The following RIMBP2 variants were observed in gnomAD, a reference collection of about 807,000 sequenced individuals.
The protein encoded by RIMBP2 is RIMS binding protein 2.
A neutral mutation model predicts 118.6 loss-of-function variants in RIMBP2; 48 were observed. The observed-to-expected ratio is 0.40, with a 90% confidence interval of 0.32 to 0.51. The LOEUF (loss-of-function observed/expected upper bound fraction) is 0.51. RIMBP2 is among the 20% of genes least tolerant of loss of function. RIMBP2 has a pLI of 0.41. For synonymous variants in RIMBP2, 762 were observed against 742.9 expected (o/e 1.03, Z -0.42); for missense variants, 1,551 against 1,768.3 (o/e 0.88, Z 2.20).
At chr12:130,636,182 G>A (rs1244463594) in intron 1 of RIMBP2, among the ~76,000 whole-genome samples, 1 of 152,098 alleles carries the variant, frequency 6.6e-6, no homozygotes, top group Non-Finnish European at 1.5e-5. Flanking sequence ...TATACTCCTT[G>A]TCCCGACATG....
intron 2 of RIMBP2, among the ~76,000 whole-genome samples, chr12:130,585,364 A>AAATT (rs1320628207): frequency 6.6e-6 from 1 of 152,168 alleles, no homozygotes; most frequent in African/African-American, 2.4e-5. Context: ...CATTCGTCGA[A>AAATT]AATTCGGTAG....
At chr12:130,512,200 C>T (rs567556167) in intron 3 of RIMBP2, among the ~76,000 whole-genome samples, 1 of 152,174 alleles carries the variant, frequency 6.6e-6, no homozygotes, top group Non-Finnish European at 1.5e-5. Flanking sequence ...CTTTGCAGCC[C>T]AGCTCGTGCC....
intron 1 of RIMBP2, among the ~76,000 whole-genome samples, chr12:130,643,236 A>T (rs2062702075): frequency 6.6e-6 from 1 of 151,944 alleles, no homozygotes; most frequent in African/African-American, 2.4e-5. Flanking sequence ...GGGAGCTCAC[A>T]CTCGCCCTGG....
At chr12:130,503,263 G>T (rs1258418249) in intron 4 of RIMBP2, among the ~76,000 whole-genome samples, 1 of 151,844 alleles carries the variant, frequency 6.6e-6, no homozygotes, top group Non-Finnish European at 1.5e-5. Context: ...GGGTGTGGTG[G>T]TGTGTGTCTG....
At chr12:130,545,967 C>T (rs1315670670) in intron 2 of RIMBP2, among the ~76,000 whole-genome samples, 1 of 152,172 alleles carries the variant, frequency 6.6e-6, no homozygotes, top group Non-Finnish European at 1.5e-5. Context: ...GGGAAAAAAT[C>T]TTAACACAGC....
intron 1 of RIMBP2, among the ~76,000 whole-genome samples, chr12:130,713,227 A>AAGGAAGGAAGGAAGAT: frequency 7.6e-6 from 1 of 132,338 alleles, no homozygotes; most frequent in African/African-American, 3.1e-5. Flanking sequence ...GGAAGGAAGG[A>AAGGAAGGAAGGAAGAT]AGGAAGGAAG....
chr12:130,465,047 C>T (rs2080331915), intron 6 of RIMBP2: 2 of 152,252 alleles, frequency 1.3e-5, no homozygotes, highest in Admixed American at 1.3e-4. Flanking sequence ...AGACGCAAAA[C>T]ACAACTGTTA....
chr12:130,594,214 A>G (rs1490080924), intron 2 of RIMBP2, among the ~76,000 whole-genome samples: 2 of 152,224 alleles, frequency 1.3e-5, no homozygotes, highest in African/African-American at 2.4e-5. Context: ...TGATGTCAAG[A>G]CCCTGGCAAA....
rs572962068 is a variant in RIMBP2, at chr12:130,433,354, G to A, written c.2253+1380C>T. ...AGATATGTCTACTCACTGCATGTGC[G>A]TGTGACTCCTCTCGGATGGATGCAC... On this transcript the variant is annotated intron_variant, in intron 14 of 22. Transcript: ENST00000690449. 3.9e-5 allele frequency among the ~76,000 whole-genome samples: 6 copies of A among 152,316 alleles called. No individual in the cohort carries two copies. The South Asian group carries it at 1.0e-3, about 26-fold the overall frequency.
At chr12:130,616,372 T>C (rs1182555988) in intron 2 of RIMBP2, among the ~76,000 whole-genome samples, 1 of 151,962 alleles carries the variant, frequency 6.6e-6, no homozygotes, top group African/African-American at 2.4e-5. Flanking sequence ...ATTAGTCTCC[T>C]CCTCTCATCT....
At chr12:130,531,433 T>C (rs750143803) in intron 2 of RIMBP2, among the ~76,000 whole-genome samples, 8 of 152,254 alleles carry the variant, frequency 5.3e-5, no homozygotes, top group African/African-American at 1.2e-4. Context: ...TAATAAAATA[T>C]AGATTTTTAA....
rs774482024 is a variant in RIMBP2 at position 130,428,197 on chromosome 12, C to T, written c.2394G>A (p.Thr798=). The part of the protein sequence containing the change: ...EDGGRRRPSG[T]SHNALKDCTD... ...CACTCACCTTGAGGGCATTGTGGGA[C>T]GTGCCGCTGGGCCGCCTCCTTCCCC... Residue 798 remains threonine, a synonymous_variant, in exon 15 of 23, where the codon ACG becomes ACA. Transcript: ENST00000690449. 43 of 1,610,818 alleles carry T rather than the reference C, an allele frequency of 2.7e-5. No homozygotes were observed. Among genetic ancestry groups the T allele is most frequent in the African/African-American group, 2.5e-4 (19 of 74,860 alleles).
intron 1 of RIMBP2, among the ~76,000 whole-genome samples, chr12:130,664,685 T>C (rs2063843280): frequency 6.6e-6 from 1 of 151,712 alleles, no homozygotes; most frequent in Non-Finnish European, 1.5e-5. Flanking sequence ...TCTCATTTCA[T>C]AGAAAGTAAA....
intron 1 of RIMBP2, among the ~76,000 whole-genome samples, chr12:130,706,801 C>T (rs558078721): frequency 1.3e-5 from 2 of 152,270 alleles, no homozygotes; most frequent in South Asian, 4.1e-4. Context: ...TATTGCTCTC[C>T]AAACAGACTT....
At chr12:130,506,831 G>A (rs1415816654) in intron 3 of RIMBP2, 61 bp from the exon 4 acceptor site, 16 of 982,638 alleles carry the variant, frequency 1.6e-5, no homozygotes, top group East Asian at 1.1e-4. Context: ...GTTGGTATCC[G>A]TTGCTTCCTC....
rs757625738 is a variant in RIMBP2 at position 130,585,299 on chromosome 12, G to A, written c.-217+43023C>T. Reference sequence around the variant, plus strand: ...GTTTGTTACTTTCTGCTCATGAGGCGGGGCGATGGGGAGATGCCTTTTGGA... The same window carrying A: ...GTTTGTTACTTTCTGCTCATGAGGCAGGGCGATGGGGAGATGCCTTTTGGA... On this transcript the variant is annotated intron_variant, in intron 2 of 22. Transcript: ENST00000690449. 1.6e-4 allele frequency among the ~76,000 whole-genome samples: 25 copies of A among 152,130 alleles called. 1 individual carries two copies. The highest frequency in any genetic ancestry group is 8.5e-4 in the Admixed American group (13 of 15,280).
chr12:130,690,840 T>C (rs1028872873), intron 1 of RIMBP2, among the ~76,000 whole-genome samples: 3 of 152,040 alleles, frequency 2.0e-5, no homozygotes, highest in Non-Finnish European at 4.4e-5. Flanking sequence ...GAGAACCCAA[T>C]AGCCCTCAGG....
intron 2 of RIMBP2, among the ~76,000 whole-genome samples, chr12:130,615,703 G>A (rs959321908): frequency 2.0e-5 from 3 of 152,202 alleles, no homozygotes; most frequent in Non-Finnish European, 4.4e-5. Flanking sequence ...GGAGAAAGGG[G>A]TGGAGGGACA....
In RIMBP2 at chr12:130,623,956, C is replaced by T. The variant is rs527895590; in HGVS notation, c.-217+4366G>A. On this transcript the variant is annotated intron_variant, in intron 2 of 22. Transcript: ENST00000690449. This position sits in a 1 kb window ranked among gnomAD's most constrained non-coding sequence, Gnocchi z 4.1. The stretch of plus-strand genomic sequence containing the variant: ...CACCCATTACTGACTTCCTGCCCTG[C>T]CCTGTCTCACTTCCACACTCCCCTC... 5.3e-5 allele frequency among the ~76,000 whole-genome samples: 8 copies of T among 152,352 alleles called. No homozygotes were observed. Among genetic ancestry groups the T allele is most frequent in the African/African-American group, 1.7e-4 (7 of 41,588 alleles).
Sources: allele counts gnomAD v4.1 joint callset (sites outside exome capture counted in the v4.1 genomes callset), GRCh38; gene constraint gnomAD v4.1.1; non-coding constraint Gnocchi (gnomAD v3.1); transcripts MANE v1.5; gene names NCBI Gene and HGNC (gene_info 2026-07-23, HGNC 2026-07-21).